GPC5: variants seen among roughly 807,000 people sequenced by gnomAD.
The protein encoded by GPC5 is glypican 5, also known as glypican-5.
Under a neutral mutation model 53.9 loss-of-function variants are expected in GPC5, and 47 were observed. That is an observed-to-expected ratio of 0.87 (90% CI 0.69 to 1.11). The LOEUF is 1.11. Among genes scored for constraint, GPC5 ranks in the 50% most tolerant of loss-of-function variants. The pLI is 0.00. For synonymous variants in GPC5, 286 were observed against 263.3 expected (o/e 1.09, Z -0.84); for missense variants, 748 against 713.1 (o/e 1.05, Z -0.56).
intron 6 of GPC5, among the ~76,000 whole-genome samples, chr13:92,098,304 T>G (rs1207923224): frequency 6.6e-6 from 1 of 152,168 alleles, no homozygotes; most frequent in African/African-American, 2.4e-5. Context: ...GATAATGGCC[T>G]TCAGCTCCTT....
In GPC5 at chr13:92,080,960, C is replaced by T. The variant is rs565715487; in HGVS notation, c.1402-63870C>T. Among the ~76,000 whole-genome samples, 25 of 152,312 alleles carry T rather than the reference C, an allele frequency of 1.6e-4. 1 individual carries two copies. In the South Asian group the frequency reaches 5.0e-3, roughly 30 times the overall value. Reference sequence around the variant, plus strand: ...ACTTATCTTTGCAGGAAAATTTCATCTCTGCCCTTGACTGTGCAGTGGTGG... The same window carrying T: ...ACTTATCTTTGCAGGAAAATTTCATTTCTGCCCTTGACTGTGCAGTGGTGG... On this transcript the variant is annotated intron_variant, in intron 6 of 7. Coordinates refer to ENST00000377067, the MANE Select transcript of GPC5 (RefSeq NM_004466.6).
At chr13:92,164,703 A>G (rs1466474155) in intron 7 of GPC5, among the ~76,000 whole-genome samples, 3 of 152,126 alleles carry the variant, frequency 2.0e-5, no homozygotes, top group African/African-American at 7.2e-5. Context: ...TCCACTAGAT[A>G]GTGCCCCAGT....
At chr13:92,859,929 A>G (rs2138854133) in intron 7 of GPC5, among the ~76,000 whole-genome samples, 1 of 152,262 alleles carries the variant, frequency 6.6e-6, no homozygotes, top group East Asian at 1.9e-4. Flanking sequence ...CTGTCAAAAG[A>G]TCTAAACAAT....
intron 7 of GPC5, among the ~76,000 whole-genome samples, chr13:92,466,286 T>C (rs1878689313): frequency 1.3e-5 from 2 of 152,044 alleles, no homozygotes; most frequent in Non-Finnish European, 2.9e-5. Context: ...GACTTAGTGT[T>C]TGCTTTAGAA....
chr13:91,898,788 T>A (rs1165385300), intron 5 of GPC5, among the ~76,000 whole-genome samples: 1 of 152,142 alleles, frequency 6.6e-6, no homozygotes, highest in East Asian at 1.9e-4. Flanking sequence ...TGTGACCTGT[T>A]ACGGCCCCTT....
intron 7 of GPC5, among the ~76,000 whole-genome samples, chr13:92,485,652 C>T (rs1879524642): frequency 6.6e-6 from 1 of 152,172 alleles, no homozygotes; most frequent in Non-Finnish European, 1.5e-5. Flanking sequence ...CATTACAGCC[C>T]TACCTTACAG....
intron 5 of GPC5, among the ~76,000 whole-genome samples, chr13:91,905,414 A>G (rs542203966): frequency 4.7e-4 from 71 of 152,168 alleles, no homozygotes; most frequent in South Asian, 8.3e-4. Context: ...ATCCCTAATG[A>G]ATACTGGAAT....
chr13:92,758,823 T>C (rs1875025032), intron 7 of GPC5, among the ~76,000 whole-genome samples: 1 of 152,078 alleles, frequency 6.6e-6, no homozygotes, highest in Non-Finnish European at 1.5e-5. Flanking sequence ...GTCAAGGGGA[T>C]TTCGCCTATA....
chr13:92,181,462 A>G (rs2042146436), intron 7 of GPC5, among the ~76,000 whole-genome samples: 1 of 152,218 alleles, frequency 6.6e-6, no homozygotes, highest in Non-Finnish European at 1.5e-5. Context: ...TGAATACATG[A>G]ATCATTGCTA....
intron 5 of GPC5, among the ~76,000 whole-genome samples, chr13:91,762,937 CA>C (rs1184541902): frequency 6.6e-6 from 1 of 152,112 alleles, no homozygotes; most frequent in African/African-American, 2.4e-5. Context: ...ACCTATAATA[CA>C]TTTTTTTTGC....
intron 7 of GPC5, among the ~76,000 whole-genome samples, chr13:92,782,477 G>A (rs1876063480): frequency 6.6e-6 from 1 of 152,104 alleles, no homozygotes; most frequent in Non-Finnish European, 1.5e-5. Context: ...AGGCCTGTCT[G>A]AGTCACTGAG....
chr13:92,280,526 C>T (rs879918159), intron 7 of GPC5, among the ~76,000 whole-genome samples: 1 of 152,124 alleles, frequency 6.6e-6, no homozygotes, highest in African/African-American at 2.4e-5. Flanking sequence ...TTTGCTATAT[C>T]CCATAAGTTT....
At chr13:92,596,340 T>C (rs1363075935) in intron 7 of GPC5, among the ~76,000 whole-genome samples, 3 of 152,142 alleles carry the variant, frequency 2.0e-5, no homozygotes, top group Non-Finnish European at 4.4e-5. Context: ...ACACCGTGTT[T>C]AAATATTCAG....
At chr13:91,856,337 CT>C (rs1447967664) in intron 5 of GPC5, among the ~76,000 whole-genome samples, 1 of 151,412 alleles carries the variant, frequency 6.6e-6, no homozygotes, top group Non-Finnish European at 1.5e-5. Context: ...GTGTAAAGGC[CT>C]AGGAGTGAAA....
At chr13:92,022,499 C>G (rs1049466549) in intron 6 of GPC5, among the ~76,000 whole-genome samples, 4 of 151,764 alleles carry the variant, frequency 2.6e-5, no homozygotes, top group African/African-American at 9.7e-5. Flanking sequence ...TCTCTGTATG[C>G]CTGTGAAATT....
intron 7 of GPC5, among the ~76,000 whole-genome samples, chr13:92,244,268 G>A (rs767541374): frequency 1.3e-5 from 2 of 152,098 alleles, no homozygotes; most frequent in Non-Finnish European, 2.9e-5. Flanking sequence ...TAATGTCCCG[G>A]CATTGATTTT....
intron 7 of GPC5, among the ~76,000 whole-genome samples, chr13:92,267,708 C>CTT (rs34306732): frequency 6.6e-6 from 1 of 151,804 alleles, no homozygotes; most frequent in Non-Finnish European, 1.5e-5. Context: ...CTGGCTTACT[C>CTT]TTTTTTTGTA....
chr13:91,810,398 A>G (rs1382513478), intron 5 of GPC5, among the ~76,000 whole-genome samples: 1 of 152,018 alleles, frequency 6.6e-6, no homozygotes, highest in Non-Finnish European at 1.5e-5. Flanking sequence ...CTTATGTTAT[A>G]GTGCCAGGGA....
chr13:91,907,922 C>T lies in GPC5; in HGVS notation c.1281-15C>T. On this transcript the variant is annotated splice_polypyrimidine_tract_variant and intron_variant, in intron 5 of 7. Transcript: ENST00000377067. ...ATCAGGTACTAAGTCATATCTTTCA[C>T]ATTTCCCTTGCTAGTTATACTCAGC... 1 of 1,593,678 alleles carries T rather than the reference C, an allele frequency of 6.3e-7. No homozygotes were observed. The highest frequency in any genetic ancestry group is 1.1e-5 in the South Asian group (1 of 90,910).
Sources: gnomAD v4.1 joint callset for allele counts (sites outside exome capture counted in the v4.1 genomes callset) on GRCh38, gnomAD v4.1.1 for gene constraint, MANE v1.5 for transcripts, NCBI Gene and HGNC (gene_info 2026-07-23, HGNC 2026-07-21) for gene names.